NTNG1: variants seen among roughly 807,000 people sequenced by gnomAD.
NTNG1 encodes the protein netrin G1, also known as netrin-G1.
NTNG1 carries 16 observed loss-of-function variants against 54.0 expected under a neutral mutation model. The ratio of observed to expected loss-of-function variants is 0.30; its 90% CI spans 0.20 to 0.45. The LOEUF is 0.45. Among genes scored for constraint, NTNG1 ranks in the 20% least tolerant of loss-of-function variants. NTNG1 has a pLI of 1.00. For synonymous variants in NTNG1, 255 were observed against 263.1 expected, an observed-to-expected ratio of 0.97 and a Z score of 0.30; for missense variants, 530 against 678.7, an observed-to-expected ratio of 0.78 and a Z score of 2.43.
At chr1:107,249,482 CA>C (rs10564675) in intron 2 of NTNG1, among the ~76,000 whole-genome samples, 69,250 of 120,088 alleles carry the variant, frequency 0.58, 21,091 homozygotes, top group Non-Finnish European at 0.72. Flanking sequence ...AACTCCGTCT[CA>C]AAAAAAAAAA....
intron 6 of NTNG1, among the ~76,000 whole-genome samples, chr1:107,431,298 T>C (rs1218192380): frequency 6.6e-6 from 1 of 152,172 alleles, no homozygotes; most frequent in Non-Finnish European, 1.5e-5. Context: ...TTATATGCGA[T>C]TTAATTATAG....
chr1:107,482,055 C>CA lies in NTNG1; in HGVS notation c.*1242dup, dbSNP rs71098633. The stretch of plus-strand genomic sequence containing the variant: ...TTCCACTTGGGAAAAATTACAACAG[C>CA]AAAAAAAAAAAAAAAAAAAAAAAAA... On this transcript the variant is annotated 3_prime_UTR_variant, in exon 8 of 8. Coordinates refer to ENST00000370068, the MANE Select transcript of NTNG1 (RefSeq NM_001113226.3). The CA allele has an allele frequency of 0.036, 4,108 of 113,916 alleles. 222 individuals carry two copies. The highest frequency in any genetic ancestry group is 0.053 in the African/African-American group (1,584 of 29,704). 7.1% of individuals were successfully genotyped at this position (113,916 alleles called of 1,614,324 possible).
At chr1:107,308,148 T>G (rs1395994554) in intron 2 of NTNG1, among the ~76,000 whole-genome samples, 2 of 152,198 alleles carry the variant, frequency 1.3e-5, no homozygotes, top group Non-Finnish European at 1.5e-5. Flanking sequence ...CAGAAGCTCT[T>G]AAGTTTAATT....
chr1:107,320,212 G>C (rs1341576487), intron 2 of NTNG1, among the ~76,000 whole-genome samples: 1 of 152,086 alleles, frequency 6.6e-6, no homozygotes, highest in Non-Finnish European at 1.5e-5. Flanking sequence ...GCATTTGTTA[G>C]TGGTGTAAAT....
intron 4 of NTNG1, chr1:107,395,584 A>C (rs2101091258): frequency 3.1e-6 from 2 of 650,340 alleles, no homozygotes; most frequent in East Asian, 6.1e-5. Context: ...AATTTTTTAT[A>C]AGTGGATGAG....
chr1:107,435,808 C>A (rs1039599901), intron 6 of NTNG1, among the ~76,000 whole-genome samples: 1 of 152,030 alleles, frequency 6.6e-6, no homozygotes, highest in South Asian at 2.1e-4. Context: ...CTCACAGTAC[C>A]CAAAAGCTGC....
intron 5 of NTNG1, among the ~76,000 whole-genome samples, chr1:107,413,156 AT>A (rs34353313): frequency 0.93 from 135,084 of 144,582 alleles, 63,345 homozygotes; most frequent in Non-Finnish European, 0.99. Context: ...TGTTTTGTTC[AT>A]TTTTTTTTTC....
At chr1:107,424,986 T>G (rs891854346) in intron 5 of NTNG1, among the ~76,000 whole-genome samples, 9 of 151,858 alleles carry the variant, frequency 5.9e-5, no homozygotes, top group Non-Finnish European at 1.2e-4. Flanking sequence ...AAAAAAGCAA[T>G]GATGGGTAAG....
At chr1:107,290,480 T>TA (rs1364073905) in intron 2 of NTNG1, among the ~76,000 whole-genome samples, 2 of 152,152 alleles carry the variant, frequency 1.3e-5, no homozygotes, top group Admixed American at 6.6e-5. Context: ...CATTTTTTTT[T>TA]AAATCTGCTT....
At chr1:107,152,991 T>C (rs747350363) in intron 2 of NTNG1, among the ~76,000 whole-genome samples, 6 of 152,256 alleles carry the variant, frequency 3.9e-5, no homozygotes, top group Admixed American at 6.5e-5. Flanking sequence ...GTGCTCTCGA[T>C]AGGCATTTAT....
chr1:107,390,451 T>C (rs1378676767), intron 3 of NTNG1, among the ~76,000 whole-genome samples: 1 of 152,234 alleles, frequency 6.6e-6, no homozygotes, highest in Non-Finnish European at 1.5e-5. Context: ...AGCTCTTGTT[T>C]TGGGTTTCAG....
At chr1:107,348,680 T>C (rs1043324228) in intron 3 of NTNG1, among the ~76,000 whole-genome samples, 1 of 152,130 alleles carries the variant, frequency 6.6e-6, no homozygotes, top group Non-Finnish European at 1.5e-5. Flanking sequence ...TGATTTCTGC[T>C]ATGGTGTCTA....
Position 107,475,569 on chromosome 1 carries a change from A to G in NTNG1, c.1391-5042A>G, listed in dbSNP as rs541081688. On this transcript the variant is annotated intron_variant, in intron 7 of 7. Coordinates refer to ENST00000370068, the MANE Select transcript of NTNG1 (RefSeq NM_001113226.3). ...AAGATAATCCACTCTTACATTTCCA[A>G]TTCAAGTACTTAGTCACCTCTAATT... 2.7e-4 allele frequency among the ~76,000 whole-genome samples: 41 copies of G among 152,288 alleles called. No individual in the cohort carries two copies. In the South Asian group the frequency reaches 8.3e-3, roughly 31 times the overall value.
intron 6 of NTNG1, 147 bp downstream of exon 6, chr1:107,431,064 G>A: frequency 2.8e-6 from 2 of 703,268 alleles, no homozygotes. Flanking sequence ...GATTTCACTT[G>A]TGATTTCACT....
At chr1:107,427,756 C>G (rs1216843010) in intron 5 of NTNG1, among the ~76,000 whole-genome samples, 2 of 151,932 alleles carry the variant, frequency 1.3e-5, no homozygotes, top group Admixed American at 6.6e-5. Context: ...TTTAAAGTAT[C>G]CAGTTATCAT....
chr1:107,397,248 A>G (rs1672740068), intron 4 of NTNG1, among the ~76,000 whole-genome samples: 1 of 152,182 alleles, frequency 6.6e-6, no homozygotes, highest in South Asian at 2.1e-4. Context: ...GGATGGACCC[A>G]GTGTCCAAAG....
chr1:107,251,237 T>C (rs60599374), intron 2 of NTNG1, among the ~76,000 whole-genome samples: 4,681 of 152,308 alleles, frequency 0.031, 222 homozygotes, highest in African/African-American at 0.11. Context: ...CATATCTTAA[T>C]GAAAAGGCTG....
intron 2 of NTNG1, among the ~76,000 whole-genome samples, chr1:107,310,113 A>G (rs1282466549): frequency 6.6e-6 from 1 of 152,166 alleles, no homozygotes; most frequent in Non-Finnish European, 1.5e-5. Flanking sequence ...CATTTCAAAA[A>G]AGAGAATGTG....
At chr1:107,172,118 T>C (rs1656291776) in intron 2 of NTNG1, among the ~76,000 whole-genome samples, 1 of 152,110 alleles carries the variant, frequency 6.6e-6, no homozygotes, top group Non-Finnish European at 1.5e-5. Context: ...GCCAAGCATT[T>C]TGCCCCTTGC....
Sources: allele counts gnomAD v4.1 joint callset (sites outside exome capture counted in the v4.1 genomes callset), GRCh38; gene constraint gnomAD v4.1.1; transcripts MANE v1.5; gene names NCBI Gene and HGNC (gene_info 2026-07-23, HGNC 2026-07-21).